Variants in PRELID2 observed in about 807,000 individuals in gnomAD.
PRELID2 encodes PRELI domain-containing protein 2.
Under a neutral mutation model 28.4 loss-of-function variants are expected in PRELID2, and 25 were observed. The observed-to-expected ratio is 0.88, with a 90% CI of 0.64 to 1.23. The LOEUF (loss-of-function observed/expected upper bound fraction) is 1.23, where lower values mean the gene tolerates loss of function less well. PRELID2 is among the 50% of genes most tolerant of loss of function. The pLI is 0.00. For synonymous variants in PRELID2, 76 were observed against 71.6 expected (o/e 1.06, Z -0.31); for missense variants, 201 against 214.4 (o/e 0.94, Z 0.39).
chr5:145,316,712 C>G, the PRELID2 span, among the ~76,000 whole-genome samples: 1 of 152,190 alleles, frequency 6.6e-6, no homozygotes, highest in African/African-American at 2.4e-5. Flanking sequence ...TACATTTCTA[C>G]TAGAAAAATA....
At chr5:145,592,950 A>G (rs1331283212) in intron 1 of PRELID2, among the ~76,000 whole-genome samples, 1 of 152,132 alleles carries the variant, frequency 6.6e-6, no homozygotes, top group Non-Finnish European at 1.5e-5. Flanking sequence ...AATAAAAACT[A>G]TTTTTAGTAA....
At chr5:145,545,867 T>C (rs1252297099) in intron 1 of PRELID2, among the ~76,000 whole-genome samples, 1 of 152,152 alleles carries the variant, frequency 6.6e-6, no homozygotes, top group African/African-American at 2.4e-5. Context: ...CATTTGGTGG[T>C]TTTCCTTTTC....
At chr5:145,615,842 T>C (rs892615123) in intron 1 of PRELID2, among the ~76,000 whole-genome samples, 3 of 152,218 alleles carry the variant, frequency 2.0e-5, no homozygotes, top group Admixed American at 2.0e-4. Context: ...CCTGTAAGAT[T>C]TATGCTTTAA....
At chr5:145,412,538 T>C in the PRELID2 span, among the ~76,000 whole-genome samples, 1 of 152,182 alleles carries the variant, frequency 6.6e-6, no homozygotes, top group East Asian at 1.9e-4. Context: ...TTCCAAACTT[T>C]CCCACATCTT....
At chr5:145,422,908 A>G in the PRELID2 span, among the ~76,000 whole-genome samples, 5 of 151,508 alleles carry the variant, frequency 3.3e-5, no homozygotes, top group African/African-American at 1.2e-4. Flanking sequence ...GCTTCCTTCA[A>G]GAGCTCTTGT....
At chr5:145,562,085 C>T (rs1438555598) in intron 1 of PRELID2, among the ~76,000 whole-genome samples, 2 of 152,164 alleles carry the variant, frequency 1.3e-5, no homozygotes, top group Non-Finnish European at 2.9e-5. Flanking sequence ...GATTAGATCT[C>T]ATTTTTTTAA....
the PRELID2 span, among the ~76,000 whole-genome samples, chr5:145,252,688 AAATAACCC>A: frequency 6.6e-6 from 1 of 152,104 alleles, no homozygotes; most frequent in South Asian, 2.1e-4. Flanking sequence ...TAGATCAAAG[AAATAACCC>A]AAGGAGGAGA....
At chr5:145,275,235 T>C in the PRELID2 span, among the ~76,000 whole-genome samples, 3 of 152,080 alleles carry the variant, frequency 2.0e-5, no homozygotes, top group South Asian at 2.1e-4. Context: ...TGCAAGGCAC[T>C]GCAGATAAAG....
At chr5:145,452,185 T>C in the PRELID2 span, among the ~76,000 whole-genome samples, 1 of 152,086 alleles carries the variant, frequency 6.6e-6, no homozygotes, top group African/African-American at 2.4e-5. Flanking sequence ...CAGCATCATT[T>C]CTCTAAAAGG....
At chr5:145,776,657 T>C (rs1316479430) in intron 5 of PRELID2, among the ~76,000 whole-genome samples, 2 of 152,230 alleles carry the variant, frequency 1.3e-5, no homozygotes, top group Non-Finnish European at 2.9e-5. Context: ...GACTACTGTA[T>C]ATACAAATGC....
chr5:145,617,556 T>G (rs2149649487), intron 1 of PRELID2, among the ~76,000 whole-genome samples: 1 of 152,300 alleles, frequency 6.6e-6, no homozygotes, highest in South Asian at 2.1e-4. Context: ...TCATATTTTC[T>G]TATTCCTTTT....
At position 145,502,759 on chromosome 5, in the gene PRELID2, C is replaced by T. The variant is rs1292003302; in HGVS notation, n.71-29444G>A. ...AGCACATTAATTAGTTAATTAATTACAGGCCTCCAGTAGCCATGGCTATGC... is the reference window on the plus strand; with the variant it reads ...AGCACATTAATTAGTTAATTAATTATAGGCCTCCAGTAGCCATGGCTATGC... On this transcript the variant is annotated intron_variant and non_coding_transcript_variant, in intron 1 of 2. Coordinates refer to the PRELID2 transcript ENST00000510259. Among the ~76,000 whole-genome samples the T allele has an allele frequency of 3.3e-5, 5 of 152,064 alleles. No homozygotes were observed. The South Asian group carries it at 8.3e-4, about 25-fold the overall frequency.
At chr5:145,235,688 A>G in the PRELID2 span, among the ~76,000 whole-genome samples, 159 of 152,248 alleles carry the variant, frequency 1.0e-3, 2 homozygotes, top group Non-Finnish European at 1.8e-3. Flanking sequence ...TTGCCATCCT[A>G]GAGCCTGCTG....
At chr5:145,229,286 C>T in the PRELID2 span, 17 of 751,910 alleles carry the variant, frequency 2.3e-5, no homozygotes, top group South Asian at 4.0e-5. Flanking sequence ...GTTCAAGGGC[C>T]GCAGTGACCT....
chr5:145,380,727 A>G, the PRELID2 span, among the ~76,000 whole-genome samples: 1 of 152,204 alleles, frequency 6.6e-6, no homozygotes, highest in Non-Finnish European at 1.5e-5. Context: ...ATGGCATTAA[A>G]TACGTTTCAG....
chr5:145,822,288 A>G (rs1754883786), intron 2 of PRELID2, among the ~76,000 whole-genome samples: 1 of 152,212 alleles, frequency 6.6e-6, no homozygotes, highest in Non-Finnish European at 1.5e-5. Flanking sequence ...ACAGAACAGA[A>G]GAGATTCCTA....
intron 1 of PRELID2, among the ~76,000 whole-genome samples, chr5:145,503,433 C>T (rs1283637322): frequency 6.6e-6 from 1 of 152,108 alleles, no homozygotes; most frequent in African/African-American, 2.4e-5. Context: ...AGTGTTCAGA[C>T]GTTTAAAACA....
chr5:145,263,467 A>C, the PRELID2 span, among the ~76,000 whole-genome samples: 3 of 149,500 alleles, frequency 2.0e-5, no homozygotes, highest in African/African-American at 7.7e-5. Flanking sequence ...TTAAGAAAAT[A>C]AATTAAAACA....
At chr5:145,623,463 A>C (rs1753801353) in intron 1 of PRELID2, among the ~76,000 whole-genome samples, 1 of 151,944 alleles carries the variant, frequency 6.6e-6, no homozygotes, top group Non-Finnish European at 1.5e-5. Context: ...AAAATAAATA[A>C]ATAAATAAAT....
Sources: allele counts gnomAD v4.1 joint callset (sites outside exome capture counted in the v4.1 genomes callset), GRCh38; gene constraint gnomAD v4.1.1; transcripts MANE v1.5; gene names NCBI Gene and HGNC (gene_info 2026-07-23, HGNC 2026-07-21).